Variants in BCL7A observed in about 807,000 individuals in gnomAD.
BCL7A encodes the protein BAF chromatin remodeling complex subunit BCL7A.
In BCL7A, 11 loss-of-function variants were observed where a neutral mutation model predicts 28.4. The observed-to-expected ratio is 0.39, with a 90% CI of 0.24 to 0.64. The LOEUF (loss-of-function observed/expected upper bound fraction) is 0.64. Among genes scored for constraint, BCL7A ranks in the 30% least tolerant of loss-of-function variants. The pLI is 0.50. For synonymous variants in BCL7A, 123 were observed against 103.3 expected (o/e 1.19, Z -1.15); for missense variants, 222 against 274.8 (o/e 0.81, Z 1.36).
Position 122,049,404 on chromosome 12 carries a change from G to A in BCL7A, c.439+5351G>A, listed in dbSNP as rs898296935. On this transcript the variant is annotated intron_variant, in intron 4 of 5. Coordinates refer to ENST00000261822, the MANE Select transcript of BCL7A (RefSeq NM_001024808.3). The stretch of plus-strand genomic sequence containing the variant: ...GGTCTTCAAATATGCTGGAGAGGCC[G>A]GGCGTGGTGGCTCATACCTGTATTC... Among the ~76,000 whole-genome samples, 13 of 152,046 alleles carry A rather than the reference G, an allele frequency of 8.6e-5. No individual in the cohort carries two copies. In the East Asian group the frequency reaches 1.4e-3, roughly 16 times the overall value.
Position 122,021,993 on chromosome 12 carries a change from CGAGT to C in BCL7A, c.-91_-88del. ...GTGTGAGAGTGCGAGTGTCTGTGCG[CGAGT>C]GAGTGAGCGGCGGGCGGGCGCGAGT... On this transcript the variant is annotated 5_prime_UTR_variant, in exon 1 of 6. Transcript: ENST00000261822. The C allele has an allele frequency of 1.1e-6, 1 of 928,070 alleles. No homozygotes were observed. Among genetic ancestry groups the C allele is most frequent in the Non-Finnish European group, 1.6e-6 (1 of 614,094 alleles). The allele number at this position is 928,070 out of a possible 1,614,324, so 57.5% of individuals were successfully genotyped here. A position where few individuals can be genotyped will look rare whatever the true frequency, so the allele number is the denominator to read the frequency against.
intron 4 of BCL7A, among the ~76,000 whole-genome samples, chr12:122,053,117 C>T (rs1884232360): frequency 6.6e-6 from 1 of 152,170 alleles, no homozygotes; most frequent in South Asian, 2.1e-4. Flanking sequence ...CTGCCTCAGC[C>T]TCCGAGTAAC....
chr12:122,027,832 G>A (rs1169095), intron 1 of BCL7A, among the ~76,000 whole-genome samples: 50,612 of 151,564 alleles, frequency 0.33, 8,762 homozygotes, highest in East Asian at 0.55. Context: ...GCAGGAGTCC[G>A]TCTCAAAAAA....
intron 1 of BCL7A, 65 bp from the exon 2 acceptor site, chr12:122,030,635 A>AGTGTG: frequency 7.0e-7 from 1 of 1,433,086 alleles, no homozygotes; most frequent in Non-Finnish European, 9.8e-7. Flanking sequence ...GCCCCAAGGG[A>AGTGTG]GTGTGGCCTG....
Position 122,054,570 on chromosome 12 carries a change from G to C in BCL7A, c.440-235G>C, listed in dbSNP as rs116799446. Reference sequence around the variant, plus strand: ...GCCTCCCAGGGCCCTCAGCAGCTAAGTGTGCAGGAGAGGGTTGCAGACGCC... The same window carrying C: ...GCCTCCCAGGGCCCTCAGCAGCTAACTGTGCAGGAGAGGGTTGCAGACGCC... On this transcript the variant is annotated intron_variant, in intron 4 of 5. Coordinates refer to ENST00000261822, the MANE Select transcript of BCL7A (RefSeq NM_001024808.3). Among the ~76,000 whole-genome samples the C allele has an allele frequency of 4.5e-3, 691 of 152,308 alleles. 7 individuals are homozygous for C. Among genetic ancestry groups the C allele is most frequent in the African/African-American group, 0.015 (640 of 41,574 alleles).
intron 1 of BCL7A, among the ~76,000 whole-genome samples, chr12:122,026,266 CAAAAAAAAAA>C (rs78577517): frequency 2.0e-5 from 1 of 49,482 alleles, no homozygotes; most frequent in Non-Finnish European, 4.4e-5. Context: ...GACTCCGTCT[CAAAAAAAAAA>C]AAAAAAAAAG....
intron 4 of BCL7A, among the ~76,000 whole-genome samples, chr12:122,045,464 C>G (rs1447138249): frequency 6.6e-6 from 1 of 152,026 alleles, no homozygotes; most frequent in African/African-American, 2.4e-5. Flanking sequence ...AGGCCACTGC[C>G]TGGCCTGGGT....
At chr12:122,041,402 G>A (rs78296744) in intron 3 of BCL7A, among the ~76,000 whole-genome samples, 41,492 of 152,034 alleles carry the variant, frequency 0.27, 5,915 homozygotes, top group East Asian at 0.36. Flanking sequence ...CCATCGCCCC[G>A]GGTGCAGCAT....
At chr12:122,041,258 C>T (rs1048786624) in intron 3 of BCL7A, among the ~76,000 whole-genome samples, 1 of 152,124 alleles carries the variant, frequency 6.6e-6, no homozygotes, top group African/African-American at 2.4e-5. Context: ...AAGGTGGTAA[C>T]GGTGCCTTTC....
At chr12:122,023,681 G>C (rs1883533224) in intron 1 of BCL7A, among the ~76,000 whole-genome samples, 1 of 152,254 alleles carries the variant, frequency 6.6e-6, no homozygotes, top group Non-Finnish European at 1.5e-5. Flanking sequence ...TCGGTGTCTC[G>C]GGAGCTCCCC....
intron 1 of BCL7A, among the ~76,000 whole-genome samples, chr12:122,024,095 TG>T (rs747771597): frequency 1.6e-4 from 24 of 152,218 alleles, no homozygotes; most frequent in East Asian, 1.4e-3. Context: ...GCGGCCGGCC[TG>T]GAGGCCTTCC....
At chr12:122,043,744 A>G in intron 3 of BCL7A, 142 bp from the exon 4 acceptor site, 2 of 895,708 alleles carry the variant, frequency 2.2e-6, no homozygotes, top group South Asian at 2.2e-5. Flanking sequence ...TCAAAAAAAA[A>G]AAAAACGGTA....
Position 122,051,655 on chromosome 12 carries a change from A to T in BCL7A, c.440-3150A>T, listed in dbSNP as rs570330435. Among the ~76,000 whole-genome samples the T allele has an allele frequency of 2.6e-5, 4 of 152,032 alleles. No individual in the cohort carries two copies. The South Asian group carries it at 8.3e-4, about 32-fold the overall frequency. ...ACGGGTCAGCGTGAGTCTCTGGGTG[A>T]CTGGCCACCTTCATGATTTCTAAGC... On this transcript the variant is annotated intron_variant, in intron 4 of 5. Transcript: ENST00000261822.
chr12:122,057,958 G>A (rs2135862872), intron 5 of BCL7A, among the ~76,000 whole-genome samples: 2 of 152,164 alleles, frequency 1.3e-5, no homozygotes, highest in Middle Eastern at 6.8e-3. Context: ...GGGAGGCTGA[G>A]GCAGGAGGAT....
intron 5 of BCL7A, among the ~76,000 whole-genome samples, chr12:122,056,959 A>T (rs1288423546): frequency 6.6e-6 from 1 of 152,156 alleles, no homozygotes; most frequent in Non-Finnish European, 1.5e-5. Flanking sequence ...CCTCTGCAAC[A>T]TTTATCTCTG....
rs562358742 is a variant in BCL7A at position 122,045,319 on chromosome 12, T to C, written c.439+1266T>C. Among the ~76,000 whole-genome samples the C allele has an allele frequency of 5.1e-4, 77 of 152,238 alleles. 1 individual carries two copies. Among genetic ancestry groups the C allele is most frequent in the African/African-American group, 1.8e-3 (74 of 41,556 alleles). On this transcript the variant is annotated intron_variant, in intron 4 of 5. Coordinates refer to ENST00000261822, the MANE Select transcript of BCL7A (RefSeq NM_001024808.3). ...TCACTTGAACCCAGGAGGCGGAGGT[T>C]GCAGTGAGCCGAAATTGTGCCATTG...
intron 4 of BCL7A, among the ~76,000 whole-genome samples, chr12:122,053,545 G>T (rs919780015): frequency 1.3e-5 from 2 of 152,122 alleles, no homozygotes; most frequent in Non-Finnish European, 2.9e-5. Context: ...GATTCGTTTC[G>T]TGTGTGCTTT....
intron 1 of BCL7A, among the ~76,000 whole-genome samples, chr12:122,023,680 C>G (rs938785199): frequency 2.0e-5 from 3 of 152,148 alleles, no homozygotes; most frequent in African/African-American, 7.2e-5. Context: ...GTCGGTGTCT[C>G]GGGAGCTCCC....
At chr12:122,039,154 A>G (rs370168348) in intron 3 of BCL7A, among the ~76,000 whole-genome samples, 76 of 151,828 alleles carry the variant, frequency 5.0e-4, no homozygotes, top group African/African-American at 1.4e-3. Flanking sequence ...AAAATTAGCC[A>G]GGCGTGGTGG....
Sources: gnomAD v4.1 joint callset for allele counts (sites outside exome capture counted in the v4.1 genomes callset) on GRCh38, gnomAD v4.1.1 for gene constraint, MANE v1.5 for transcripts, NCBI Gene and HGNC (gene_info 2026-07-23, HGNC 2026-07-21) for gene names.